The following SAMMSON variants were observed in gnomAD, a reference collection of about 807,000 sequenced individuals.
SAMMSON encodes the protein long intergenic non-protein coding RNA 1212.
intron 7 of SAMMSON, among the ~76,000 whole-genome samples, chr3:70,297,629 G>A (rs1010699835): frequency 1.3e-5 from 2 of 152,018 alleles, no homozygotes; most frequent in Admixed American, 1.3e-4. Context: ...CTTCAAGGAT[G>A]GAAAAATATT....
At chr3:70,363,705 G>A (rs1185726847) in intron 9 of SAMMSON, among the ~76,000 whole-genome samples, 1 of 151,828 alleles carries the variant, frequency 6.6e-6, no homozygotes, top group Admixed American at 6.6e-5. Flanking sequence ...AATGTCACTA[G>A]CACTGTTTGA....
At chr3:70,144,510 C>A (rs1210378960) in intron 4 of SAMMSON, among the ~76,000 whole-genome samples, 1 of 152,162 alleles carries the variant, frequency 6.6e-6, no homozygotes, top group Non-Finnish European at 1.5e-5. Flanking sequence ...AAGTTCATAT[C>A]TCCCCCTGTG....
intron 4 of SAMMSON, among the ~76,000 whole-genome samples, chr3:70,111,255 A>G (rs1477833288): frequency 6.6e-6 from 1 of 152,238 alleles, no homozygotes; most frequent in African/African-American, 2.4e-5. Context: ...TAGATAAGAA[A>G]GAAACAAATG....
intron 6 of SAMMSON, among the ~76,000 whole-genome samples, chr3:70,258,858 T>C (rs1425365128): frequency 2.6e-5 from 4 of 152,278 alleles, no homozygotes; most frequent in South Asian, 2.1e-4. Context: ...GACCCTATGA[T>C]TGAATTTTTC....
chr3:70,290,495 G>T (rs533694194), intron 6 of SAMMSON, among the ~76,000 whole-genome samples: 11 of 152,214 alleles, frequency 7.2e-5, no homozygotes, highest in Admixed American at 7.2e-4. Flanking sequence ...AGTCTGCAGA[G>T]GTTATGGCTG....
intron 4 of SAMMSON, among the ~76,000 whole-genome samples, chr3:70,076,934 A>G (rs1327213664): frequency 6.6e-6 from 1 of 152,142 alleles, no homozygotes; most frequent in African/African-American, 2.4e-5. Flanking sequence ...AAATACAGAT[A>G]TGTTGTTAAG....
intron 3 of SAMMSON, among the ~76,000 whole-genome samples, chr3:70,064,856 A>T (rs978802591): frequency 6.6e-6 from 1 of 152,102 alleles, no homozygotes; most frequent in Non-Finnish European, 1.5e-5. Context: ...GCGTGTGTAC[A>T]GTGTGTATGT....
At chr3:70,108,454 C>T (rs1384835304) in intron 4 of SAMMSON, among the ~76,000 whole-genome samples, 1 of 56,376 alleles carries the variant, frequency 1.8e-5, no homozygotes, top group East Asian at 2.2e-3. Flanking sequence ...CATAACTCAC[C>T]TAAGGAGCTG....
At chr3:70,186,765 G>T (rs1388698476) in intron 4 of SAMMSON, among the ~76,000 whole-genome samples, 1 of 152,276 alleles carries the variant, frequency 6.6e-6, no homozygotes, top group East Asian at 1.9e-4. Context: ...TGCTCATAAA[G>T]TGTCATTATG....
chr3:70,192,270 G>T (rs1377682509), intron 4 of SAMMSON, among the ~76,000 whole-genome samples: 1 of 152,182 alleles, frequency 6.6e-6, no homozygotes, highest in African/African-American at 2.4e-5. Context: ...TTCTGGCAAA[G>T]GATTGAATGA....
chr3:70,025,530 A>C (rs2067033858), intron 3 of SAMMSON, among the ~76,000 whole-genome samples: 2 of 152,254 alleles, frequency 1.3e-5, no homozygotes, highest in African/African-American at 2.4e-5. Context: ...GGCATGAGCC[A>C]CCGTGCCTAG....
chr3:70,374,407 A>AT (rs1702995521), intron 9 of SAMMSON, among the ~76,000 whole-genome samples: 1 of 151,990 alleles, frequency 6.6e-6, no homozygotes, highest in African/African-American at 2.4e-5. Flanking sequence ...TTTTTAAGCT[A>AT]TTTTCTCATG....
intron 4 of SAMMSON, chr3:70,120,127 G>C (rs1014863882): frequency 6.6e-6 from 1 of 152,062 alleles, no homozygotes; most frequent in African/African-American, 2.4e-5. Context: ...AGATTTTCTA[G>C]TTAACACATC....
At chr3:70,132,877 A>C (rs960042423) in intron 4 of SAMMSON, among the ~76,000 whole-genome samples, 1 of 152,106 alleles carries the variant, frequency 6.6e-6, no homozygotes, top group African/African-American at 2.4e-5. Context: ...TGAGCTTTGT[A>C]AGGCAGATCT....
intron 3 of SAMMSON, among the ~76,000 whole-genome samples, chr3:70,051,877 C>T (rs2067147867): frequency 6.6e-6 from 1 of 152,056 alleles, no homozygotes; most frequent in Non-Finnish European, 1.5e-5. Context: ...GCAGGAAAAT[C>T]ACTTGAACTC....
At chr3:70,401,697 T>G (rs902979997) in intron 2 of SAMMSON, among the ~76,000 whole-genome samples, 4 of 152,318 alleles carry the variant, frequency 2.6e-5, no homozygotes, top group African/African-American at 9.6e-5. Flanking sequence ...TAAGGATCTA[T>G]TCCTTGCTAA....
intron 4 of SAMMSON, among the ~76,000 whole-genome samples, chr3:70,145,843 A>G (rs549679423): frequency 6.6e-6 from 1 of 152,066 alleles, no homozygotes; most frequent in South Asian, 2.1e-4. Flanking sequence ...GAAATAATAA[A>G]GATAGGAGAA....
chr3:70,266,676 G>A (rs1368028523), intron 6 of SAMMSON, among the ~76,000 whole-genome samples: 1 of 151,966 alleles, frequency 6.6e-6, no homozygotes, highest in Non-Finnish European at 1.5e-5. Context: ...AAACTCCTAG[G>A]CCCAAGAGAT....
chr3:70,338,153 C>T (rs921233744), intron 7 of SAMMSON, among the ~76,000 whole-genome samples: 2 of 151,898 alleles, frequency 1.3e-5, no homozygotes, highest in African/African-American at 2.4e-5. Flanking sequence ...GTGCTAGAAT[C>T]CTAGTTCTCT....
Sources: allele counts gnomAD v4.1 joint callset (sites outside exome capture counted in the v4.1 genomes callset), GRCh38; gene constraint gnomAD v4.1.1; transcripts MANE v1.5; gene names NCBI Gene and HGNC (gene_info 2026-07-23, HGNC 2026-07-21).